The following SRGAP2B variants were observed in gnomAD, a reference collection of about 807,000 sequenced individuals.
SRGAP2B encodes the protein SLIT-ROBO Rho GTPase-activating protein 2B.
A neutral mutation model predicts 22.2 loss-of-function variants in SRGAP2B; 9 were observed. The observed-to-expected ratio is 0.41, with a 90% CI of 0.24 to 0.71. The LOEUF (loss-of-function observed/expected upper bound fraction) is 0.71. SRGAP2B is among the 30% of genes least tolerant of loss of function. The pLI is 0.35. For missense variants in SRGAP2B, 114 were observed against 235.8 expected, an observed-to-expected ratio of 0.48 and a Z score of 3.38; for synonymous variants, 36 against 87.4, an observed-to-expected ratio of 0.41 and a Z score of 3.28.
intron 2 of SRGAP2B, among the ~76,000 whole-genome samples, chr1:145,044,765 T>G (rs1304712167): frequency 1.6e-5 from 2 of 124,784 alleles, no homozygotes; most frequent in Non-Finnish European, 3.1e-5. Flanking sequence ...GGCTTCTGCC[T>G]ACAAGAGAGA....
At chr1:145,020,422 T>C (rs1672713265) in intron 2 of SRGAP2B, among the ~76,000 whole-genome samples, 5 of 124,888 alleles carry the variant, frequency 4.0e-5, no homozygotes, top group East Asian at 2.2e-4. Context: ...GAGAGAGACC[T>C]TGTCTCTTTA....
chr1:144,937,428 CCTT>C (rs1259640120), intron 4 of SRGAP2B, among the ~76,000 whole-genome samples: 1 of 87,044 alleles, frequency 1.1e-5, no homozygotes, highest in African/African-American at 5.0e-5. Context: ...TATTCCTTCT[CCTT>C]ATTAGCTGAA....
intron 3 of SRGAP2B, among the ~76,000 whole-genome samples, chr1:144,984,362 C>CAA (rs1340694809): frequency 2.6e-4 from 29 of 111,168 alleles, no homozygotes; most frequent in East Asian, 1.4e-3. Context: ...ACAACAACAA[C>CAA]AACAAAAAAA....
chr1:145,065,405 A>AC (rs1553632230), intron 2 of SRGAP2B, among the ~76,000 whole-genome samples: 2 of 146,998 alleles, frequency 1.4e-5, no homozygotes, highest in African/African-American at 5.1e-5. Flanking sequence ...CCACCCCACC[A>AC]CCTCCTGCTC....
At chr1:144,954,791 T>C (rs1667137564) in intron 4 of SRGAP2B, among the ~76,000 whole-genome samples, 1 of 150,244 alleles carries the variant, frequency 6.7e-6, no homozygotes, top group Non-Finnish European at 1.5e-5. Context: ...CCCAAGGAAG[T>C]ACGATAACAA....
At chr1:145,061,577 G>A (rs1251600286) in intron 2 of SRGAP2B, among the ~76,000 whole-genome samples, 4 of 149,754 alleles carry the variant, frequency 2.7e-5, no homozygotes, top group South Asian at 2.1e-4. Flanking sequence ...TTGTGAATAT[G>A]TGTACATTCA....
At chr1:144,924,731 CAAAA>C (rs1156257790) in intron 4 of SRGAP2B, among the ~76,000 whole-genome samples, 1 of 58,196 alleles carries the variant, frequency 1.7e-5, no homozygotes, top group Non-Finnish European at 3.3e-5. Flanking sequence ...AACTCCGTCT[CAAAA>C]AAAAAAAAAA....
At chr1:145,071,392 C>T (rs1287149618) in intron 2 of SRGAP2B, among the ~76,000 whole-genome samples, 2 of 112,238 alleles carry the variant, frequency 1.8e-5, no homozygotes, top group Admixed American at 8.9e-5. Flanking sequence ...AGACAGCCCT[C>T]ACCACTGTGC....
intron 3 of SRGAP2B, among the ~76,000 whole-genome samples, chr1:144,966,996 C>T (rs1176148545): frequency 7.9e-6 from 1 of 127,174 alleles, no homozygotes; most frequent in Non-Finnish European, 1.6e-5. Flanking sequence ...TAAAGCAAGT[C>T]CTGAGTGACC....
chr1:144,912,206 C>A (rs1344874980), intron 5 of SRGAP2B, among the ~76,000 whole-genome samples: 1 of 146,564 alleles, frequency 6.8e-6, no homozygotes, highest in Non-Finnish European at 1.5e-5. Flanking sequence ...CCTGCCTCAG[C>A]CTCCCAAAGT....
intron 2 of SRGAP2B, among the ~76,000 whole-genome samples, chr1:145,015,271 G>T (rs1571013702): frequency 1.0e-5 from 1 of 95,562 alleles, no homozygotes; most frequent in South Asian, 4.1e-4. Context: ...TAGAGATGGG[G>T]TTACACCATG....
At chr1:145,007,785 T>C (rs1671705785) in intron 2 of SRGAP2B, among the ~76,000 whole-genome samples, 1 of 149,220 alleles carries the variant, frequency 6.7e-6, no homozygotes, top group African/African-American at 2.5e-5. Context: ...CTGTAAGCAC[T>C]ACATACATTT....
chr1:145,024,055 AAAAG>A (rs1553624544), intron 2 of SRGAP2B, among the ~76,000 whole-genome samples: 1 of 55,916 alleles, frequency 1.8e-5, no homozygotes, highest in African/African-American at 7.2e-5. Context: ...AAGGGAGAGT[AAAAG>A]AAAGAATCTT....
At chr1:145,007,361 G>A (rs1291515478) in intron 2 of SRGAP2B, among the ~76,000 whole-genome samples, 1 of 150,454 alleles carries the variant, frequency 6.6e-6, no homozygotes. Flanking sequence ...GGCTGGCAAT[G>A]TTGATTGGTT....
At chr1:145,090,054 A>C (rs1338211449) in intron 2 of SRGAP2B, among the ~76,000 whole-genome samples, 1 of 146,674 alleles carries the variant, frequency 6.8e-6, no homozygotes, top group African/African-American at 2.7e-5. Context: ...CTTAACAACC[A>C]AACCAAACTG....
chr1:144,958,242 G>C (rs1235041306), intron 3 of SRGAP2B, among the ~76,000 whole-genome samples: 1 of 151,236 alleles, frequency 6.6e-6, no homozygotes, highest in East Asian at 1.9e-4. Flanking sequence ...AAAGGATGCA[G>C]AGCACATATC....
At chr1:145,073,227 AGTT>A (rs1652279518) in intron 2 of SRGAP2B, among the ~76,000 whole-genome samples, 1 of 149,718 alleles carries the variant, frequency 6.7e-6, no homozygotes, top group Non-Finnish European at 1.5e-5. Context: ...TCTATTTCAC[AGTT>A]TCTCTGCAAC....
At chr1:144,983,202 C>T (rs1406316989) in intron 3 of SRGAP2B, among the ~76,000 whole-genome samples, 4 of 140,256 alleles carry the variant, frequency 2.9e-5, no homozygotes, top group Non-Finnish European at 6.1e-5. Context: ...GTCTTCCACC[C>T]TTTTCCGATT....
intron 3 of SRGAP2B, among the ~76,000 whole-genome samples, chr1:144,966,106 G>C (rs1194820007): frequency 1.4e-5 from 2 of 147,970 alleles, no homozygotes; most frequent in Non-Finnish European, 3.0e-5. Flanking sequence ...ATCTAGCAAG[G>C]CAGGCCAACG....
Sources: gnomAD v4.1 joint callset for allele counts (sites outside exome capture counted in the v4.1 genomes callset) on GRCh38, gnomAD v4.1.1 for gene constraint, MANE v1.5 for transcripts, NCBI Gene and HGNC (gene_info 2026-07-23, HGNC 2026-07-21) for gene names.